The following DCAF17 variants were observed in gnomAD, a reference collection of about 807,000 sequenced individuals.
DCAF17 encodes DDB1- and CUL4-associated factor 17.
In DCAF17, 48 loss-of-function variants were observed where a neutral mutation model predicts 66.0. The ratio of observed to expected loss-of-function variants is 0.73; its 90% CI spans 0.58 to 0.92. The LOEUF is 0.92. DCAF17 is among the 40% of genes least tolerant of loss of function. The pLI is 0.00. For synonymous variants in DCAF17, 206 were observed against 214.6 expected (o/e 0.96, Z 0.35); for missense variants, 562 against 622.8 (o/e 0.90, Z 1.04).
intron 2 of DCAF17, among the ~76,000 whole-genome samples, chr2:171,436,286 A>G (rs1366745244): frequency 3.3e-5 from 5 of 152,168 alleles, no homozygotes; most frequent in Admixed American, 2.6e-4. Context: ...AAACATTTCC[A>G]TGTAAGTTTT....
chr2:171,469,454 T>C (rs750734384), intron 9 of DCAF17, among the ~76,000 whole-genome samples: 7 of 152,246 alleles, frequency 4.6e-5, no homozygotes, highest in Non-Finnish European at 4.4e-5. Flanking sequence ...GGTCACAGTG[T>C]AGGTAAATTG....
intron 6 of DCAF17, among the ~76,000 whole-genome samples, chr2:171,454,475 G>A (rs1255244235): frequency 2.0e-5 from 3 of 151,742 alleles, no homozygotes; most frequent in African/African-American, 7.2e-5. Context: ...TAGTAGAGAC[G>A]GGGTTTCACT....
chr2:171,481,290 C>A lies in DCAF17; in HGVS notation c.*176C>A. 1 of 807,060 alleles carries A rather than the reference C, an allele frequency of 1.2e-6. No homozygotes were observed. The allele number at this position is 807,060 out of a possible 1,614,324, so 50.0% of individuals were successfully genotyped here. On this transcript the variant is annotated 3_prime_UTR_variant, in exon 14 of 14. Transcript: ENST00000375255. ...CTCTTGCTGTAAAAGATGGTGAGGA[C>A]TTCATTTTTTTTAAAGGTTTTTTAG...
chr2:171,463,129 G>T (rs1001689723), intron 8 of DCAF17, among the ~76,000 whole-genome samples: 16 of 152,004 alleles, frequency 1.1e-4, no homozygotes, highest in African/African-American at 3.4e-4. Flanking sequence ...TACTCAGGAG[G>T]CTGAGGCACG....
intron 3 of DCAF17, among the ~76,000 whole-genome samples, chr2:171,447,709 C>T (rs1314629384): frequency 6.6e-6 from 1 of 152,192 alleles, no homozygotes; most frequent in Non-Finnish European, 1.5e-5. Context: ...GCTGTGTTGC[C>T]TAGGCTGATA....
rs191001101 is a variant in DCAF17, at chr2:171,458,265, A to C, written c.733-107A>C. On this transcript the variant is annotated intron_variant, in intron 7 of 13. Coordinates refer to ENST00000375255, the MANE Select transcript of DCAF17 (RefSeq NM_025000.4). ...GGAAGATAAACAGAAAGGCCATTGG[A>C]AAAAGACATTTTCTTTGTCATATAC... The C allele has an allele frequency of 1.4e-5, 16 of 1,119,492 alleles. No individual in the cohort carries two copies. In the Admixed American group the frequency reaches 2.9e-4, roughly 20 times the overall value. 69.3% of individuals were successfully genotyped at this position (1,119,492 alleles called of 1,614,324 possible).
In DCAF17 at chr2:171,449,913, G is replaced by T; in HGVS notation, c.493G>T (p.Ala165Ser). Reference protein sequence around the residue: ...LSWDTPQEVIAVKSAQNRGSA... With the variant: ...LSWDTPQEVISVKSAQNRGSA... Reference sequence around the variant, plus strand: ...CTGGGACACTCCTCAAGAAGTCATTGCAGTTAAGTCAGCTCAGAACAGAGG... The same window carrying T: ...CTGGGACACTCCTCAAGAAGTCATTTCAGTTAAGTCAGCTCAGAACAGAGG... The change falls in exon 5 of 14, where the codon GCA becomes TCA. Residue 165 changes from alanine to serine, a missense_variant. Physicochemically the swap from Ala to Ser is moderately conservative, Grantham distance 99. Coordinates refer to ENST00000375255, the MANE Select transcript of DCAF17 (RefSeq NM_025000.4). 2 of 1,613,794 alleles carry T rather than the reference G, an allele frequency of 1.2e-6. No homozygotes were observed. The highest frequency in any genetic ancestry group is 1.7e-6 in the Non-Finnish European group (2 of 1,179,796).
intron 10 of DCAF17, among the ~76,000 whole-genome samples, chr2:171,474,818 A>C (rs546955387): frequency 6.6e-6 from 1 of 152,302 alleles, no homozygotes; most frequent in East Asian, 1.9e-4. Flanking sequence ...AATATTTTTT[A>C]AATCTGCCTG....
At position 171,473,921 on chromosome 2, in the gene DCAF17, A is replaced by T. The variant is rs371616391; in HGVS notation, c.1037A>T (p.Tyr346Phe). 4 of 1,613,900 alleles carry T rather than the reference A, an allele frequency of 2.5e-6. No individual in the cohort carries two copies. The South Asian group carries it at 4.4e-5, about 18-fold the overall frequency. Residue 346 changes from tyrosine (Y) to phenylalanine (F), a missense_variant, in exon 10 of 14, where the codon TAT (tyrosine) becomes TTT (phenylalanine). Physicochemically the swap from Tyr to Phe is conservative, Grantham distance 22. Transcript: ENST00000375255. ...DCCSLESDWI[Y>F]FHPDASGRII... is the part of the protein sequence containing the mutation. ...TGTTCTCTAGAATCTGACTGGATCTATTTCCATCCTGATGCTTCTGGTAGA... is the reference window on the plus strand; with the variant it reads ...TGTTCTCTAGAATCTGACTGGATCTTTTTCCATCCTGATGCTTCTGGTAGA...
At chr2:171,448,372 G>A (rs1694754154) in intron 3 of DCAF17, among the ~76,000 whole-genome samples, 1 of 152,130 alleles carries the variant, frequency 6.6e-6, no homozygotes, top group African/African-American at 2.4e-5. Flanking sequence ...CACAGAGGTA[G>A]CATCATTGTC....
Position 171,481,372 on chromosome 2 carries a change from T to C in DCAF17, c.*258T>C. On this transcript the variant is annotated 3_prime_UTR_variant, in exon 14 of 14. Transcript: ENST00000375255. Reference sequence around the variant, plus strand: ...GCTTTGAGCTAGGTGGTAATGCAAATATAAAATGCTGGGAACAGAAAAGGA... The same window carrying C: ...GCTTTGAGCTAGGTGGTAATGCAAACATAAAATGCTGGGAACAGAAAAGGA... The C allele has an allele frequency of 1.8e-6, 1 of 548,056 alleles. No homozygotes were observed. Among genetic ancestry groups the C allele is most frequent in the South Asian group, 1.5e-5 (1 of 65,326 alleles). The allele number at this position is 548,056 out of a possible 1,614,324, so 33.9% of individuals were successfully genotyped here.
Position 171,481,219 on chromosome 2 carries a change from A to G in DCAF17, c.*105A>G, listed in dbSNP as rs551802113. ...ATGGCACATTCTCCAGTATTTTCCA[A>G]AAAAGTCTTGTGTTGACTTCAGATG... On this transcript the variant is annotated 3_prime_UTR_variant, in exon 14 of 14. Coordinates refer to ENST00000375255, the MANE Select transcript of DCAF17 (RefSeq NM_025000.4). 1.7e-5 allele frequency: 25 copies of G among 1,482,536 alleles called. No homozygotes were observed. The highest frequency in any genetic ancestry group is 2.3e-5 in the Non-Finnish European group (25 of 1,066,062). 91.8% of individuals were successfully genotyped at this position (1,482,536 alleles called of 1,614,324 possible).
intron 8 of DCAF17, among the ~76,000 whole-genome samples, chr2:171,460,604 C>T (rs1363752658): frequency 6.6e-6 from 1 of 151,892 alleles, no homozygotes; most frequent in Admixed American, 6.6e-5. Flanking sequence ...GATCACAGCT[C>T]ACTGCCACCT....
chr2:171,461,782 A>G (rs1695599694), intron 8 of DCAF17, among the ~76,000 whole-genome samples: 2 of 152,192 alleles, frequency 1.3e-5, no homozygotes, highest in Non-Finnish European at 2.9e-5. Context: ...CATCATCCCA[A>G]AAAGTTCCCC....
intron 10 of DCAF17, among the ~76,000 whole-genome samples, chr2:171,475,067 A>G (rs1696434836): frequency 6.6e-6 from 1 of 152,254 alleles, no homozygotes; most frequent in Non-Finnish European, 1.5e-5. Context: ...TATAGTTAGC[A>G]TGGTCCGAAA....
In DCAF17 at chr2:171,448,698, T is replaced by C. The variant is rs1204025103; in HGVS notation, c.339T>C (p.Asn113=). 1 of 1,597,670 alleles carries C rather than the reference T, an allele frequency of 6.3e-7. No individual in the cohort carries two copies. The highest frequency in any genetic ancestry group is 2.2e-5 in the East Asian group (1 of 44,590). ...TTTTTTAGGGAGATATACTTCCCAATTCATCAGATTATAAGTCCTCACTCA... is the reference window on the plus strand; with the variant it reads ...TTTTTTAGGGAGATATACTTCCCAACTCATCAGATTATAAGTCCTCACTCA... ...WECPVGDILP[N]SSDYKSSLIA... is the part of the protein sequence containing the mutation. Residue 113 remains asparagine (N), a synonymous_variant, in exon 4 of 14, where the codon AAT becomes AAC. Coordinates refer to ENST00000375255, the MANE Select transcript of DCAF17 (RefSeq NM_025000.4).
intron 9 of DCAF17, 75 bp downstream of exon 9, chr2:171,469,105 C>T (rs1696090576): frequency 6.6e-7 from 1 of 1,512,214 alleles, no homozygotes. Flanking sequence ...AATAGGCCCA[C>T]ATTCCTAAGA....
chr2:171,443,150 A>G (rs1174488445), intron 2 of DCAF17: 2 of 156,936 alleles, frequency 1.3e-5, no homozygotes, highest in African/African-American at 4.8e-5. Context: ...TATCAGAACA[A>G]TAGTTTTTGA....
rs1018343154 is a variant in DCAF17 at position 171,481,639 on chromosome 2, CT to C, written c.*527del. 2 of 453,540 alleles carry C rather than the reference CT, an allele frequency of 4.4e-6. No individual in the cohort carries two copies. Among genetic ancestry groups the C allele is most frequent in the African/African-American group, 4.0e-5 (2 of 49,926 alleles). 28.1% of individuals were successfully genotyped at this position (453,540 alleles called of 1,614,324 possible). ...ATGTGTCATCACAGTTTTTAAAAAT[CT>C]TATATATGTATTTATATGTGTTTCG... On this transcript the variant is annotated 3_prime_UTR_variant, in exon 14 of 14. Transcript: ENST00000375255.
Sources: gnomAD v4.1 joint callset for allele counts (sites outside exome capture counted in the v4.1 genomes callset) on GRCh38, gnomAD v4.1.1 for gene constraint, MANE v1.5 for transcripts, NCBI Gene and HGNC (gene_info 2026-07-23, HGNC 2026-07-21) for gene names.